Variants in ASH1L observed in about 807,000 individuals in gnomAD.
ASH1L encodes histone-lysine N-methyltransferase ASH1L.
Under a neutral mutation model 269.0 loss-of-function variants are expected in ASH1L, and 23 were observed. That is an observed-to-expected ratio of 0.09 (90% confidence interval 0.06 to 0.12). The LOEUF is 0.12. Ranked by LOEUF, ASH1L falls within the 10% of genes least tolerant of loss-of-function variation. The pLI is 1.00. For missense variants in ASH1L, 2,912 were observed against 3,567.8 expected, an observed-to-expected ratio of 0.82 and a Z score of 4.68; for synonymous variants, 1,187 against 1,253.5, an observed-to-expected ratio of 0.95 and a Z score of 1.12.
chr1:155,357,120 A>ACACACAC, intron 15 of ASH1L, among the ~76,000 whole-genome samples, 196 bp downstream of exon 15: 1 of 68,610 alleles, frequency 1.5e-5, no homozygotes, highest in Admixed American at 1.8e-4. Context: ...CACACACACA[A>ACACACAC]AAGGGTAAGA....
intron 1 of ASH1L, among the ~76,000 whole-genome samples, chr1:155,525,240 C>T (rs771105749): frequency 6.6e-5 from 10 of 151,902 alleles, no homozygotes; most frequent in Non-Finnish European, 1.2e-4. Context: ...GAGCGAGACC[C>T]TATCTCAAAA....
At chr1:155,418,896 C>T (rs942812447) in intron 5 of ASH1L, among the ~76,000 whole-genome samples, 3 of 151,850 alleles carry the variant, frequency 2.0e-5, no homozygotes, top group South Asian at 2.1e-4. Context: ...GGCGAAACCC[C>T]GACTCTACTA....
intron 2 of ASH1L, among the ~76,000 whole-genome samples, chr1:155,495,908 G>A (rs1181508635): frequency 2.0e-5 from 3 of 152,134 alleles, no homozygotes; most frequent in Admixed American, 6.6e-5. Context: ...TGAGGCAGGA[G>A]AATTACTTGA....
Position 155,437,885 on chromosome 1 carries a change from C to T in ASH1L, c.5828+442G>A, listed in dbSNP as rs112209810. 1.6e-4 allele frequency among the ~76,000 whole-genome samples: 25 copies of T among 152,272 alleles called. 1 individual carries two copies. The highest frequency in any genetic ancestry group is 3.8e-4 in the African/African-American group (16 of 41,562). On this transcript the variant is annotated intron_variant, in intron 5 of 27. Transcript: ENST00000392403. Reference sequence around the variant, plus strand: ...TGTGTTTGTTTTTGAGACAGGGTCTCGCTCTGTCGCCCAGGTTGGAGTGCA... The same window carrying T: ...TGTGTTTGTTTTTGAGACAGGGTCTTGCTCTGTCGCCCAGGTTGGAGTGCA...
chr1:155,366,215 G>C (rs1655405905), intron 12 of ASH1L, among the ~76,000 whole-genome samples: 1 of 152,074 alleles, frequency 6.6e-6, no homozygotes, highest in Admixed American at 6.6e-5. Flanking sequence ...GTGACATCTG[G>C]GCGTCCTCAC....
At chr1:155,497,826 T>C (rs899784422) in intron 2 of ASH1L, among the ~76,000 whole-genome samples, 9 of 151,922 alleles carry the variant, frequency 5.9e-5, no homozygotes, top group Non-Finnish European at 7.4e-5. Context: ...CTCGGCTCAC[T>C]GCAAGTTCCG....
At chr1:155,487,376 A>G (rs1666398322) in intron 2 of ASH1L, among the ~76,000 whole-genome samples, 1 of 151,998 alleles carries the variant, frequency 6.6e-6, no homozygotes, top group African/African-American at 2.4e-5. Flanking sequence ...GCAATGTCAT[A>G]CTACTTTTTT....
chr1:155,344,337 C>G (rs1653052395), intron 21 of ASH1L, 64 bp from the exon 22 acceptor site: 1 of 1,253,038 alleles, frequency 8.0e-7, no homozygotes. Flanking sequence ...ACTTATTTCT[C>G]AACCTAGAAT....
chr1:155,384,447 G>A (rs1288841810), intron 7 of ASH1L, among the ~76,000 whole-genome samples: 6 of 151,304 alleles, frequency 4.0e-5, no homozygotes, highest in Non-Finnish European at 8.8e-5. Context: ...ATAGGTAAGG[G>A]TAATTTCTCT....
chr1:155,392,280 C>A lies in ASH1L; in HGVS notation c.6103+3179G>T, dbSNP rs572443942. ...TCCTGAAACATGGCCCTTAAATAAT[C>A]AGTAAGATTCAAGGTTTCTAAGTGC... On this transcript the variant is annotated intron_variant, in intron 7 of 27. Transcript: ENST00000392403. Among the ~76,000 whole-genome samples, 22 of 152,244 alleles carry A rather than the reference C, an allele frequency of 1.4e-4. No individual in the cohort carries two copies. In the South Asian group the frequency reaches 4.4e-3, roughly 30 times the overall value.
intron 2 of ASH1L, among the ~76,000 whole-genome samples, chr1:155,484,956 C>CAA (rs1346703984): frequency 2.4e-5 from 3 of 125,814 alleles, no homozygotes; most frequent in African/African-American, 9.5e-5. Flanking sequence ...AAAACAAAAA[C>CAA]AAAAACAAAA....
Position 155,562,425 on chromosome 1 carries a change from AGCGGCGGCG to A in ASH1L, c.-381_-373del, listed in dbSNP as rs757359444. ...AAAGCGAACCCAAAATGGCGGCGGG[AGCGGCGGCG>A]GCGGCGGCGGCAGCAGCAGAGTGGC... is the stretch of plus-strand genomic sequence containing the variant. On this transcript the variant is annotated 5_prime_UTR_variant, in exon 1 of 28. Transcript: ENST00000392403. 12 of 1,476,580 alleles carry A rather than the reference AGCGGCGGCG, an allele frequency of 8.1e-6. No individual in the cohort carries two copies. The highest frequency in any genetic ancestry group is 1.2e-5 in the South Asian group (1 of 82,926). 91.5% of individuals were successfully genotyped at this position (1,476,580 alleles called of 1,614,324 possible). A position where few individuals can be genotyped will look rare whatever the true frequency, so the allele number is the denominator to read the frequency against.
At chr1:155,542,940 G>A (rs1670534986) in intron 1 of ASH1L, among the ~76,000 whole-genome samples, 1 of 151,768 alleles carries the variant, frequency 6.6e-6, no homozygotes, top group South Asian at 2.1e-4. Flanking sequence ...CAAAGTGCTG[G>A]GATTACAGGC....
intron 3 of ASH1L, among the ~76,000 whole-genome samples, chr1:155,465,702 C>T (rs549741061): frequency 5.9e-5 from 9 of 152,084 alleles, no homozygotes; most frequent in African/African-American, 2.2e-4. Flanking sequence ...ATTTATAAGT[C>T]AAAGCTATTT....
chr1:155,539,049 T>A (rs1670247414), intron 1 of ASH1L, among the ~76,000 whole-genome samples: 1 of 152,194 alleles, frequency 6.6e-6, no homozygotes. Context: ...TATCTGCAGA[T>A]CTGATTTGGC....
At chr1:155,559,534 CAAA>C (rs71270465) in intron 1 of ASH1L, among the ~76,000 whole-genome samples, 14 of 84,984 alleles carry the variant, frequency 1.6e-4, no homozygotes, top group Admixed American at 3.6e-4. Flanking sequence ...AACTCAGTCT[CAAA>C]AAAAAAAAAA....
At chr1:155,503,214 AG>A (rs1165158236) in intron 2 of ASH1L, among the ~76,000 whole-genome samples, 16 of 152,344 alleles carry the variant, frequency 1.1e-4, no homozygotes, top group African/African-American at 3.8e-4. Context: ...CAAATCCTAC[AG>A]AAAGATGTTA....
chr1:155,360,546 C>T (rs917179538), intron 12 of ASH1L, 137 bp from the exon 13 acceptor site: 8 of 568,222 alleles, frequency 1.4e-5, no homozygotes, highest in Admixed American at 3.0e-5. Flanking sequence ...CGGATTCAAG[C>T]GATTCTCCTG....
chr1:155,356,711 G>A (rs180823078), intron 15 of ASH1L, among the ~76,000 whole-genome samples: 501 of 151,772 alleles, frequency 3.3e-3, no homozygotes, highest in Non-Finnish European at 4.5e-3. Flanking sequence ...TGAATTCCTG[G>A]GCTCAAGTAA....
Sources: allele counts gnomAD v4.1 joint callset (sites outside exome capture counted in the v4.1 genomes callset), GRCh38; gene constraint gnomAD v4.1.1; transcripts MANE v1.5; gene names NCBI Gene and HGNC (gene_info 2026-07-23, HGNC 2026-07-21).